The following GPATCH2 variants were observed in gnomAD, a reference collection of about 807,000 sequenced individuals.
The protein encoded by GPATCH2 is G patch domain-containing protein 2.
In GPATCH2, 51 loss-of-function variants were observed where a neutral mutation model predicts 58.0. The ratio of observed to expected loss-of-function variants is 0.88; its 90% CI spans 0.70 to 1.11. The LOEUF (loss-of-function observed/expected upper bound fraction) is 1.11, where lower values mean the gene tolerates loss of function less well. GPATCH2 is among the 50% of genes most tolerant of loss of function. The probability of loss-of-function intolerance (pLI) is 0.00; values close to 1 mark genes in which losing one functional copy is unlikely to be tolerated. For synonymous variants in GPATCH2, 222 were observed against 218.5 expected, an observed-to-expected ratio of 1.02 and a Z score of -0.14; for missense variants, 625 against 652.2, an observed-to-expected ratio of 0.96 and a Z score of 0.45.
At chr1:217,558,605 A>C (rs1571916017) in intron 5 of GPATCH2, among the ~76,000 whole-genome samples, 1 of 152,048 alleles carries the variant, frequency 6.6e-6, no homozygotes. Context: ...CCCTGTTTAG[A>C]CTTCCTATAT....
intron 5 of GPATCH2, among the ~76,000 whole-genome samples, chr1:217,527,594 CAAACAAAACA>C (rs531849663): frequency 6.5e-4 from 98 of 150,716 alleles, no homozygotes; most frequent in Non-Finnish European, 1.1e-3. Context: ...AGGAGGGAAA[CAAACAAAACA>C]AAACAAAACA....
intron 5 of GPATCH2, among the ~76,000 whole-genome samples, chr1:217,527,623 C>G (rs77298112): frequency 0.048 from 7,234 of 152,108 alleles, 406 homozygotes; most frequent in African/African-American, 0.14. Flanking sequence ...CAAAACAAAA[C>G]CCTCTCTTGT....
At chr1:217,523,718 C>A (rs1571856364) in intron 5 of GPATCH2, among the ~76,000 whole-genome samples, 5 of 150,326 alleles carry the variant, frequency 3.3e-5, no homozygotes, top group African/African-American at 1.3e-4. Context: ...GGTGGCCGGG[C>A]AGAGGGGCTC....
rs1164163564 is a variant in GPATCH2, at chr1:217,428,058, A to T, written c.*3087T>A. On this transcript the variant is annotated 3_prime_UTR_variant, in exon 10 of 10. Transcript: ENST00000366935. The stretch of plus-strand genomic sequence containing the variant: ...GCCATATAGTTTAAAAATAAAAGTA[A>T]CCAAATTAAATAGTGTATTCGGGGA... 1 of 152,158 alleles carries T rather than the reference A, an allele frequency of 6.6e-6. No individual in the cohort carries two copies. The highest frequency in any genetic ancestry group is 1.9e-4 in the East Asian group (1 of 5,198). The allele number at this position is 152,158 out of a possible 1,614,324, so 9.4% of individuals were successfully genotyped here.
At chr1:217,483,213 C>G (rs953601470) in intron 8 of GPATCH2, among the ~76,000 whole-genome samples, 3 of 152,190 alleles carry the variant, frequency 2.0e-5, no homozygotes, top group African/African-American at 7.2e-5. Context: ...CAGTCTCATT[C>G]TGTCTCTGTC....
At chr1:217,524,992 T>C (rs1663811533) in intron 5 of GPATCH2, among the ~76,000 whole-genome samples, 1 of 131,786 alleles carries the variant, frequency 7.6e-6, no homozygotes, top group African/African-American at 2.7e-5. Context: ...GCTTCTCGTG[T>C]GTGGGAAAAT....
chr1:217,604,648 A>G (rs1179890441), intron 5 of GPATCH2, among the ~76,000 whole-genome samples: 1 of 152,188 alleles, frequency 6.6e-6, no homozygotes, highest in Non-Finnish European at 1.5e-5. Flanking sequence ...ATTTTTTAAA[A>G]TCATTTTAGA....
At chr1:217,548,167 C>T (rs1305271736) in intron 5 of GPATCH2, among the ~76,000 whole-genome samples, 1 of 151,962 alleles carries the variant, frequency 6.6e-6, no homozygotes, top group Admixed American at 6.6e-5. Flanking sequence ...GAACAGAAAA[C>T]CAAATACTTC....
chr1:217,630,371 T>C (rs965123417), intron 1 of GPATCH2, among the ~76,000 whole-genome samples: 8 of 152,214 alleles, frequency 5.3e-5, no homozygotes, highest in Non-Finnish European at 1.2e-4. Context: ...CTGACAGTTA[T>C]AGGTTCTTGG....
intron 5 of GPATCH2, among the ~76,000 whole-genome samples, chr1:217,572,212 TAGA>T (rs879264299): frequency 1.3e-5 from 2 of 152,114 alleles, no homozygotes; most frequent in African/African-American, 2.4e-5. Context: ...TGATAGCTAG[TAGA>T]AGAATTAGAA....
intron 9 of GPATCH2, among the ~76,000 whole-genome samples, chr1:217,444,756 A>C (rs1659306703): frequency 6.6e-6 from 1 of 152,206 alleles, no homozygotes; most frequent in South Asian, 2.1e-4. Context: ...GCCTGTTTTA[A>C]AATCTTGAAA....
chr1:217,465,838 C>A lies in GPATCH2; in HGVS notation c.1278-16501G>T, dbSNP rs114409176. 5.0e-3 allele frequency among the ~76,000 whole-genome samples: 755 copies of A among 152,268 alleles called. 6 individuals are homozygous for A. The highest frequency in any genetic ancestry group is 0.018 in the African/African-American group (737 of 41,560). Reference sequence around the variant, plus strand: ...GGATAACTTCATCCCTGGGAAAAATCACCTAAAATTATCAACATTAGAATG... The same window carrying A: ...GGATAACTTCATCCCTGGGAAAAATAACCTAAAATTATCAACATTAGAATG... On this transcript the variant is annotated intron_variant, in intron 8 of 9. Coordinates refer to ENST00000366935, the MANE Select transcript of GPATCH2 (RefSeq NM_018040.5).
At chr1:217,539,529 A>G (rs11804482) in intron 5 of GPATCH2, among the ~76,000 whole-genome samples, 61,220 of 152,018 alleles carry the variant, frequency 0.4, 12,890 homozygotes, top group Non-Finnish European at 0.45. Flanking sequence ...TGGTCTCAGC[A>G]CTCCCAATCA....
chr1:217,529,254 G>T (rs1419116814), intron 5 of GPATCH2, among the ~76,000 whole-genome samples: 1 of 152,134 alleles, frequency 6.6e-6, no homozygotes, highest in Non-Finnish European at 1.5e-5. Context: ...GCCATGGTTT[G>T]GATATGGTTT....
intron 6 of GPATCH2, among the ~76,000 whole-genome samples, chr1:217,501,787 T>C (rs764286144): frequency 6.6e-6 from 1 of 152,086 alleles, no homozygotes; most frequent in Non-Finnish European, 1.5e-5. Flanking sequence ...TCTAACTAGA[T>C]TGTTTTGCTT....
At position 217,494,769 on chromosome 1, in the gene GPATCH2, AT is replaced by A. The variant is rs940298026; in HGVS notation, c.1207-3020del. Among the ~76,000 whole-genome samples, 1,343 of 151,142 alleles carry A rather than the reference AT, an allele frequency of 8.9e-3. 15 individuals are homozygous for A. The highest frequency in any genetic ancestry group is 0.031 in the African/African-American group (1,268 of 41,312). On this transcript the variant is annotated intron_variant, in intron 7 of 9. Transcript: ENST00000366935. The stretch of plus-strand genomic sequence containing the variant: ...AAAAAAAAAAGAAGACTCCCAACAT[AT>A]TTTTTTTTAAAGTCAGATTATGAAT...
intron 1 of GPATCH2, among the ~76,000 whole-genome samples, chr1:217,624,569 G>A (rs761481096): frequency 3.4e-4 from 52 of 152,170 alleles, no homozygotes; most frequent in Non-Finnish European, 2.8e-4. Flanking sequence ...ATGACCAACA[G>A]CTCTTTTATT....
chr1:217,623,837 G>C (rs1669320362), intron 1 of GPATCH2, among the ~76,000 whole-genome samples: 1 of 152,074 alleles, frequency 6.6e-6, no homozygotes, highest in Non-Finnish European at 1.5e-5. Context: ...AGGAGGCGGA[G>C]GTTGCAGTGA....
At chr1:217,458,500 G>A (rs1179902009) in intron 8 of GPATCH2, among the ~76,000 whole-genome samples, 1 of 152,108 alleles carries the variant, frequency 6.6e-6, no homozygotes, top group African/African-American at 2.4e-5. Context: ...ACATCTGGGG[G>A]AATGTTGAAT....
Sources: gnomAD v4.1 joint callset for allele counts (sites outside exome capture counted in the v4.1 genomes callset) on GRCh38, gnomAD v4.1.1 for gene constraint, MANE v1.5 for transcripts, NCBI Gene and HGNC (gene_info 2026-07-23, HGNC 2026-07-21) for gene names.